The following SS18L1 variants were observed in gnomAD, a reference collection of about 807,000 sequenced individuals.
SS18L1 encodes the protein SS18L1 subunit of BAF chromatin remodeling complex, also known as calcium-responsive transactivator.
SS18L1 carries 32 observed loss-of-function variants against 70.3 expected under a neutral mutation model. The observed-to-expected ratio is 0.46, with a 90% CI of 0.34 to 0.61. The LOEUF (loss-of-function observed/expected upper bound fraction) is 0.61. SS18L1 is among the 20% of genes least tolerant of loss of function. The pLI is 0.01. For synonymous variants in SS18L1, 237 were observed against 229.7 expected (o/e 1.03, Z -0.29); for missense variants, 430 against 542.1 (o/e 0.79, Z 2.05).
intron 1 of SS18L1, among the ~76,000 whole-genome samples, chr20:62,152,547 G>A (rs940418837): frequency 6.6e-6 from 1 of 152,228 alleles, no homozygotes; most frequent in African/African-American, 2.4e-5. Flanking sequence ...TGTATCTCAC[G>A]TTGCAGAAAA....
At chr20:62,175,709 T>C (rs2057609194) in intron 10 of SS18L1, among the ~76,000 whole-genome samples, 1 of 152,188 alleles carries the variant, frequency 6.6e-6, no homozygotes, top group African/African-American at 2.4e-5. Flanking sequence ...TCTCAGGGAA[T>C]TGGGTAGGTA....
Position 62,161,109 on chromosome 20 carries a change from G to A in SS18L1, c.232-327G>A, listed in dbSNP as rs73915598. ...CTGGTCACCTGCGCCCGAGGGGGAC[G>A]GGGTGCGTTCAGCCTGGTGGGCCGG... On this transcript the variant is annotated intron_variant, in intron 3 of 10. Transcript: ENST00000331758. The surrounding 1 kb of genome is among the most constrained non-coding windows in gnomAD (Gnocchi z 4.4). Among the ~76,000 whole-genome samples, 8,328 of 151,598 alleles carry A rather than the reference G, an allele frequency of 0.055. 777 individuals are homozygous for A. Among genetic ancestry groups the A allele is most frequent in the African/African-American group, 0.19 (7,864 of 41,220 alleles).
intron 1 of SS18L1, among the ~76,000 whole-genome samples, chr20:62,148,349 G>A (rs1040683026): frequency 4.3e-4 from 65 of 149,760 alleles, no homozygotes; most frequent in Admixed American, 4.0e-3. Flanking sequence ...TGCTCTCTTC[G>A]GTCAGGTGAG....
At chr20:62,145,154 T>C (rs1310387369) in intron 1 of SS18L1, among the ~76,000 whole-genome samples, 1 of 152,254 alleles carries the variant, frequency 6.6e-6, no homozygotes, top group African/African-American at 2.4e-5. Context: ...ATTTACTTAG[T>C]AAACACTTAT....
rs907863953 is a variant in SS18L1, at chr20:62,173,158, C to T, written c.1036+357C>T. Among the ~76,000 whole-genome samples, 4 of 152,212 alleles carry T rather than the reference C, an allele frequency of 2.6e-5. No individual in the cohort carries two copies. In the South Asian group the frequency reaches 8.3e-4, roughly 31 times the overall value. On this transcript the variant is annotated intron_variant, in intron 9 of 10. Coordinates refer to ENST00000331758, the MANE Select transcript of SS18L1 (RefSeq NM_198935.3). ...TGACGGGAGCCAGTGTCCCGTGTAT[C>T]CATCACCTGCACGCCTCAGGCCCAG...
In SS18L1 at chr20:62,158,621, G is replaced by A; in HGVS notation, c.70-51G>A. Reference sequence around the variant, plus strand: ...GTGTAGCGATGGCTGTTCATCCCGAGGGTCAGCGACAGCCCCGCGTCGGCA... The same window carrying A: ...GTGTAGCGATGGCTGTTCATCCCGAAGGTCAGCGACAGCCCCGCGTCGGCA... On this transcript the variant is annotated intron_variant, in intron 1 of 10. Coordinates refer to ENST00000331758, the MANE Select transcript of SS18L1 (RefSeq NM_198935.3). This position sits in a 1 kb window ranked among gnomAD's most constrained non-coding sequence, Gnocchi z 4.5. 6.3e-7 allele frequency: 1 copy of A among 1,599,280 alleles called. No homozygotes were observed. The highest frequency in any genetic ancestry group is 8.5e-7 in the Non-Finnish European group (1 of 1,175,228).
At position 62,161,295 on chromosome 20, in the gene SS18L1, GGCT is replaced by G. The variant is rs1287598352; in HGVS notation, c.232-136_232-134del. On this transcript the variant is annotated intron_variant, in intron 3 of 10. Coordinates refer to ENST00000331758, the MANE Select transcript of SS18L1 (RefSeq NM_198935.3). The surrounding 1 kb of genome is among the most constrained non-coding windows in gnomAD (Gnocchi z 4.4). ...TCTGCGGTCACCTGGCTGTGACGAT[GGCT>G]GCTGATTACGAACATTGACCAGGTG... 6.7e-6 allele frequency: 8 copies of G among 1,197,226 alleles called. No homozygotes were observed. The African/African-American group carries it at 1.2e-4, about 18-fold the overall frequency. The allele number at this position is 1,197,226 out of a possible 1,614,324, so 74.2% of individuals were successfully genotyped here.
At chr20:62,155,001 C>T (rs778382552) in intron 1 of SS18L1, among the ~76,000 whole-genome samples, 15 of 152,226 alleles carry the variant, frequency 9.9e-5, no homozygotes, top group Non-Finnish European at 1.6e-4. Context: ...TCTGCCCCCT[C>T]TGTTGTTTCT....
chr20:62,174,488 C>G lies in SS18L1; in HGVS notation c.1037-29C>G. The G allele has an allele frequency of 6.3e-7, 1 of 1,577,968 alleles. No individual in the cohort carries two copies. Among genetic ancestry groups the G allele is most frequent in the Non-Finnish European group, 8.6e-7 (1 of 1,161,058 alleles). ...AAAAGAAAGAGGTGTCCGTTTTGGC[C>G]GGCCTCACGGTTCCTGGTGTCTTCT... On this transcript the variant is annotated intron_variant, in intron 9 of 10. Coordinates refer to ENST00000331758, the MANE Select transcript of SS18L1 (RefSeq NM_198935.3). This position sits in a 1 kb window ranked among gnomAD's most constrained non-coding sequence, Gnocchi z 4.1.
At chr20:62,173,765 C>T (rs1165278964) in intron 9 of SS18L1, among the ~76,000 whole-genome samples, 1 of 152,094 alleles carries the variant, frequency 6.6e-6, no homozygotes, top group African/African-American at 2.4e-5. Flanking sequence ...TCTATAATCC[C>T]AGCACTTTGG....
At chr20:62,150,649 T>A (rs2057112513) in intron 1 of SS18L1, among the ~76,000 whole-genome samples, 2 of 106,648 alleles carry the variant, frequency 1.9e-5, no homozygotes, top group Non-Finnish European at 4.2e-5. Flanking sequence ...TTTTTTTTTT[T>A]TTTTTTTTTT....
chr20:62,159,298 C>T lies in SS18L1; in HGVS notation c.146+550C>T, dbSNP rs568271248. The stretch of plus-strand genomic sequence containing the variant: ...CGTGGCCAGTCTGCCACCCTCCAAG[C>T]GGCTGTCCAAGTGGCCGTCAGACTG... On this transcript the variant is annotated intron_variant, in intron 2 of 10. Transcript: ENST00000331758. This position sits in a 1 kb window ranked among gnomAD's most constrained non-coding sequence, Gnocchi z 4.4. 7.9e-5 allele frequency among the ~76,000 whole-genome samples: 12 copies of T among 152,284 alleles called. No homozygotes were observed. The South Asian group carries it at 2.5e-3, about 32-fold the overall frequency.
rs748222523 is a variant in SS18L1, at chr20:62,158,656, C to CA, written c.70-15dup. On this transcript the variant is annotated splice_polypyrimidine_tract_variant and intron_variant, in intron 1 of 10. Transcript: ENST00000331758. The surrounding 1 kb of genome is among the most constrained non-coding windows in gnomAD (Gnocchi z 4.5). The stretch of plus-strand genomic sequence containing the variant: ...CAGCCCCGCGTCGGCAGCGCCCGCT[C>CA]ACGCTCTCTCCGCAGATGCTGGACG... 6.8e-6 allele frequency: 11 copies of CA among 1,611,748 alleles called. No individual in the cohort carries two copies. The highest frequency in any genetic ancestry group is 9.3e-6 in the Non-Finnish European group (11 of 1,179,882).
intron 1 of SS18L1, among the ~76,000 whole-genome samples, chr20:62,147,167 G>A (rs774834621): frequency 6.6e-6 from 1 of 152,252 alleles, no homozygotes; most frequent in Middle Eastern, 3.4e-3. Context: ...TGGCCTGCAT[G>A]GAGCAGGTAT....
intron 1 of SS18L1, 38 bp downstream of exon 1, chr20:62,143,927 C>G (rs759010224): frequency 2.0e-6 from 2 of 1,009,846 alleles, no homozygotes; most frequent in South Asian, 4.4e-5. Context: ...GGCGGCGGGT[C>G]TGCGGGCGGG....
intron 10 of SS18L1, among the ~76,000 whole-genome samples, chr20:62,178,467 CTCTT>C (rs1344580904): frequency 1.3e-5 from 2 of 152,018 alleles, no homozygotes; most frequent in African/African-American, 4.8e-5. Context: ...CTAATTTTTT[CTCTT>C]TTTTTGTAGA....
In SS18L1 at chr20:62,143,843, C is replaced by T. The variant is rs748420343; in HGVS notation, c.23C>T (p.Ala8Val). ...ACCATGTCCGTGGCCTTCGCGTCTGCCCGGCCAAGAGGCAAAGGGGAGGTT... is the reference window on the plus strand; with the variant it reads ...ACCATGTCCGTGGCCTTCGCGTCTGTCCGGCCAAGAGGCAAAGGGGAGGTT... MSVAFAS[A>V]RPRGKGEVTQ... Residue 8 changes from alanine to valine, a missense_variant, in exon 1 of 11, where the codon GCC (alanine) becomes GTC (valine). Transcript: ENST00000331758. The T allele has an allele frequency of 3.8e-6, 5 of 1,329,568 alleles. No homozygotes were observed. In the Admixed American group the frequency reaches 6.8e-5, roughly 18 times the overall value. The allele number at this position is 1,329,568 out of a possible 1,614,324, so 82.4% of individuals were successfully genotyped here. A position where few individuals can be genotyped will look rare whatever the true frequency, so the allele number is the denominator to read the frequency against.
chr20:62,161,283 G>A lies in SS18L1; in HGVS notation c.232-153G>A. The stretch of plus-strand genomic sequence containing the variant: ...TGGGCCTGGTGCTCTGCGGTCACCT[G>A]GCTGTGACGATGGCTGCTGATTACG... On this transcript the variant is annotated intron_variant, in intron 3 of 10. Transcript: ENST00000331758. The surrounding 1 kb of genome is among the most constrained non-coding windows in gnomAD (Gnocchi z 4.4). 9.4e-7 allele frequency: 1 copy of A among 1,058,982 alleles called. No individual in the cohort carries two copies. The highest frequency in any genetic ancestry group is 1.4e-6 in the Non-Finnish European group (1 of 708,506). 65.6% of individuals were successfully genotyped at this position (1,058,982 alleles called of 1,614,324 possible).
At chr20:62,163,063 C>A in intron 5 of SS18L1, 132 bp downstream of exon 5, 2 of 1,227,376 alleles carry the variant, frequency 1.6e-6, no homozygotes, top group African/African-American at 1.5e-5. Flanking sequence ...GCCCGTGAAT[C>A]GGGGCTGGCC....
Sources: allele counts gnomAD v4.1 joint callset (sites outside exome capture counted in the v4.1 genomes callset), GRCh38; gene constraint gnomAD v4.1.1; non-coding constraint Gnocchi (gnomAD v3.1); transcripts MANE v1.5; gene names NCBI Gene and HGNC (gene_info 2026-07-23, HGNC 2026-07-21).